EML6: variants seen among roughly 807,000 people sequenced by gnomAD.
EML6 encodes the protein EMAP like 6.
In EML6, 154 loss-of-function variants were observed where a neutral mutation model predicts 240.1. That is an observed-to-expected ratio of 0.64 (90% CI 0.56 to 0.73). The LOEUF is 0.73. Ranked by LOEUF, EML6 falls within the 30% of genes least tolerant of loss-of-function variation. The probability of loss-of-function intolerance (pLI) is 0.00; values close to 1 mark genes in which losing one functional copy is unlikely to be tolerated. For missense variants in EML6, 2,964 were observed against 2,474.6 expected (o/e 1.20, Z -4.20); for synonymous variants, 1,148 against 899.0 (o/e 1.28, Z -4.95).
At chr2:54,873,183 C>A (rs867014402) in intron 16 of EML6, among the ~76,000 whole-genome samples, 1 of 152,192 alleles carries the variant, frequency 6.6e-6, no homozygotes, top group African/African-American at 2.4e-5. Context: ...CTGACCAATG[C>A]AACATGGGGC....
intron 2 of EML6, among the ~76,000 whole-genome samples, chr2:54,770,137 G>C (rs1364612657): frequency 6.6e-6 from 1 of 152,076 alleles, no homozygotes; most frequent in African/African-American, 2.4e-5. Flanking sequence ...GCCAGTCTTG[G>C]GCAGTTTTCT....
chr2:54,907,942 AG>A (rs1673425005), intron 24 of EML6, among the ~76,000 whole-genome samples: 3 of 38,628 alleles, frequency 7.8e-5, no homozygotes, highest in African/African-American at 1.7e-4. Context: ...ATAGATAGAT[AG>A]ATAAGATAGA....
At chr2:54,967,841 C>T (rs753016482) in intron 39 of EML6, among the ~76,000 whole-genome samples, 1 of 152,282 alleles carries the variant, frequency 6.6e-6, no homozygotes, top group South Asian at 2.1e-4. Context: ...CTAGATCCCT[C>T]GCATGCTTAG....
chr2:54,732,584 C>T lies in EML6; in HGVS notation c.197+7326C>T, dbSNP rs560868848. ...TCCATGAAATTATCTTAGATGCCCA[C>T]AGCCTTTGAATTCAGCCAGTAGGGG... On this transcript the variant is annotated intron_variant, in intron 2 of 41. Coordinates refer to ENST00000356458, the MANE Select transcript of EML6 (RefSeq NM_001039753.4). Among the ~76,000 whole-genome samples the T allele has an allele frequency of 3.9e-5, 6 of 152,270 alleles. No homozygotes were observed. The East Asian group carries it at 9.7e-4, about 25-fold the overall frequency.
At position 54,891,015 on chromosome 2, in the gene EML6, A is replaced by T. The variant is rs1386806482; in HGVS notation, c.2439-39A>T. On this transcript the variant is annotated intron_variant, in intron 17 of 41. Coordinates refer to ENST00000356458, the MANE Select transcript of EML6 (RefSeq NM_001039753.4). ...TTTTAATAAAACTGTTACTGCTTCC[A>T]TCCAAACTAGAATCTTATTTCCTAT... 1.2e-5 allele frequency: 12 copies of T among 1,042,280 alleles called. No individual in the cohort carries two copies. In the South Asian group the frequency reaches 2.0e-4, roughly 18 times the overall value. 64.6% of individuals were successfully genotyped at this position (1,042,280 alleles called of 1,614,324 possible).
rs748024293 is a variant in EML6 at position 54,844,002 on chromosome 2, G to GTGTGTA, written c.848-43_848-42insTGTATG. 10 of 1,233,372 alleles carry GTGTGTA rather than the reference G, an allele frequency of 8.1e-6. No individual in the cohort carries two copies. In the South Asian group the frequency reaches 1.0e-4, roughly 13 times the overall value. The allele number at this position is 1,233,372 out of a possible 1,614,324, so 76.4% of individuals were successfully genotyped here. On this transcript the variant is annotated intron_variant, in intron 7 of 41. Transcript: ENST00000356458. ...TGTGTGTGTGTGTGTGTGTGTGTGT[G>GTGTGTA]TGAATAGTGTGAAGATTTGCTTTTG...
In EML6 at chr2:54,725,221, CA is replaced by C; in HGVS notation, c.165del (p.Lys55AsnfsTer67). ...GGTTTACAACACCCGCGAGCACAGCCAAAAATTCTTCCTGGGACACAACGAC... is the reference window on the plus strand; with the variant it reads ...GGTTTACAACACCCGCGAGCACAGCCAAAATTCTTCCTGGGACACAACGAC... The part of the protein sequence containing the change: ...GVVYNTREHS[Q>X]KFFLGHNDDI... On this transcript the variant is annotated frameshift_variant, in exon 2 of 42. Coordinates refer to ENST00000356458, the MANE Select transcript of EML6 (RefSeq NM_001039753.4). LOFTEE classifies it high-confidence loss of function. The surrounding 1 kb of genome is among the most constrained non-coding windows in gnomAD (Gnocchi z 4.3). The C allele has an allele frequency of 6.7e-7, 1 of 1,492,028 alleles. No individual in the cohort carries two copies. Among genetic ancestry groups the C allele is most frequent in the South Asian group, 1.3e-5 (1 of 77,978 alleles). The allele number at this position is 1,492,028 out of a possible 1,614,324, so 92.4% of individuals were successfully genotyped here.
Position 54,935,120 on chromosome 2 carries a change from C to T in EML6, c.4004+6369C>T, listed in dbSNP as rs553003530. On this transcript the variant is annotated intron_variant, in intron 28 of 41. Coordinates refer to ENST00000356458, the MANE Select transcript of EML6 (RefSeq NM_001039753.4). ...TAATGGTTTGGTATTGGCATTGCTT[C>T]GTGTTTAGGTTGTCACGTTTGGTCT... Among the ~76,000 whole-genome samples, 7 of 152,230 alleles carry T rather than the reference C, an allele frequency of 4.6e-5. No individual in the cohort carries two copies. In the East Asian group the frequency reaches 9.6e-4, roughly 21 times the overall value.
intron 3 of EML6, among the ~76,000 whole-genome samples, chr2:54,815,768 A>G (rs531200921): frequency 6.6e-6 from 1 of 152,368 alleles, no homozygotes; most frequent in Admixed American, 6.5e-5. Flanking sequence ...GAATCCCTGC[A>G]TAACAGCACA....
intron 7 of EML6, among the ~76,000 whole-genome samples, chr2:54,842,452 T>A (rs954385320): frequency 1.3e-5 from 2 of 152,146 alleles, no homozygotes; most frequent in Non-Finnish European, 2.9e-5. Context: ...TCACCATAAT[T>A]ACAGTCTATA....
In EML6 at chr2:54,892,482, T is replaced by G. The variant is rs1305534781; in HGVS notation, c.2568T>G (p.Thr856=). 1 of 1,551,386 alleles carries G rather than the reference T, an allele frequency of 6.4e-7. No individual in the cohort carries two copies. Among genetic ancestry groups the G allele is most frequent in the Non-Finnish European group, 8.7e-7 (1 of 1,146,748 alleles). The change falls in exon 19 of 42, where the codon ACT becomes ACG. Residue 856 remains threonine, a synonymous_variant. Coordinates refer to ENST00000356458, the MANE Select transcript of EML6 (RefSeq NM_001039753.4). ...AGGGFTSKRG[T]FGSVGKLETM... is the part of the protein sequence containing the mutation. ...GGGGCTTCACTTCTAAAAGAGGAACTTTTGGAAGCGTTGGAAAATTGGAAA... is the reference window on the plus strand; with the variant it reads ...GGGGCTTCACTTCTAAAAGAGGAACGTTTGGAAGCGTTGGAAAATTGGAAA...
chr2:54,780,764 G>T (rs1668819861), intron 2 of EML6, among the ~76,000 whole-genome samples: 1 of 152,174 alleles, frequency 6.6e-6, no homozygotes, highest in Non-Finnish European at 1.5e-5. Flanking sequence ...CATAGTAAAA[G>T]GATAATGCTG....
At chr2:54,884,285 G>C (rs2104015972) in intron 17 of EML6, among the ~76,000 whole-genome samples, 1 of 152,302 alleles carries the variant, frequency 6.6e-6, no homozygotes, top group Middle Eastern at 3.4e-3. Flanking sequence ...GGGGCACAGA[G>C]CTTCCATGGC....
intron 12 of EML6, among the ~76,000 whole-genome samples, chr2:54,863,015 C>T (rs1416687223): frequency 1.3e-5 from 2 of 152,104 alleles, no homozygotes; most frequent in Non-Finnish European, 2.9e-5. Flanking sequence ...ACGGTTGGGG[C>T]CTATGTGTTC....
chr2:54,827,302 C>A (rs1332655963), intron 5 of EML6, among the ~76,000 whole-genome samples: 1 of 152,176 alleles, frequency 6.6e-6, no homozygotes, highest in Non-Finnish European at 1.5e-5. Flanking sequence ...TCTATTAAAT[C>A]ACCATTAAAC....
intron 11 of EML6, among the ~76,000 whole-genome samples, chr2:54,854,470 A>G (rs1670263816): frequency 6.6e-6 from 1 of 152,216 alleles, no homozygotes; most frequent in African/African-American, 2.4e-5. Flanking sequence ...TGAATTAACC[A>G]TGTAATGACC....
At chr2:54,906,084 CTT>C (rs1013066567) in intron 24 of EML6, among the ~76,000 whole-genome samples, 2 of 152,124 alleles carry the variant, frequency 1.3e-5, no homozygotes, top group African/African-American at 4.8e-5. Flanking sequence ...CTATTTTTAA[CTT>C]TTTGAGGAAT....
chr2:54,924,860 G>A (rs1012143807), intron 26 of EML6, among the ~76,000 whole-genome samples: 1 of 152,146 alleles, frequency 6.6e-6, no homozygotes, highest in Non-Finnish European at 1.5e-5. Flanking sequence ...ACTGCACCCA[G>A]CCTCTTCTTT....
At chr2:54,923,889 A>T (rs1356901715) in intron 26 of EML6, among the ~76,000 whole-genome samples, 1 of 152,182 alleles carries the variant, frequency 6.6e-6, no homozygotes, top group African/African-American at 2.4e-5. Context: ...TGAAATAGGT[A>T]CTGCTTTTTA....
Sources: gnomAD v4.1 joint callset for allele counts (sites outside exome capture counted in the v4.1 genomes callset) on GRCh38, gnomAD v4.1.1 for gene constraint, Gnocchi (gnomAD v3.1) non-coding constraint, MANE v1.5 for transcripts, NCBI Gene and HGNC (gene_info 2026-07-23, HGNC 2026-07-21) for gene names.